The following FOXP1 variants were observed in gnomAD, a reference collection of about 807,000 sequenced individuals.
FOXP1 encodes the protein forkhead box protein P1.
A neutral mutation model predicts 98.2 loss-of-function variants in FOXP1; 15 were observed. The observed-to-expected ratio is 0.15, with a 90% CI of 0.10 to 0.24. The LOEUF is 0.24. FOXP1 is among the 10% of genes least tolerant of loss of function. The pLI is 1.00. For missense variants in FOXP1, 633 were observed against 848.5 expected (o/e 0.75, Z 3.15); for synonymous variants, 371 against 314.5 (o/e 1.18, Z -1.90).
intron 6 of FOXP1, chr3:71,130,350 G>T: frequency 1.4e-6 from 1 of 710,640 alleles, no homozygotes; most frequent in Non-Finnish European, 2.3e-6. Flanking sequence ...AGCCTCTGAT[G>T]GAGAGAGGAG....
chr3:71,561,340 C>A (rs534534170), intron 2 of FOXP1, among the ~76,000 whole-genome samples: 1 of 151,062 alleles, frequency 6.6e-6, no homozygotes, highest in South Asian at 2.1e-4. Context: ...ACTACCACAC[C>A]CAGCCTGAAC....
In FOXP1 at chr3:71,366,087, C is replaced by G. The variant is rs554367327; in HGVS notation, c.-167-6843G>C. 1.1e-4 allele frequency among the ~76,000 whole-genome samples: 17 copies of G among 152,288 alleles called. 1 individual carries two copies. In the South Asian group the frequency reaches 1.7e-3, roughly 15 times the overall value. ...GAAACAATGAGTCAAATGTATTATT[C>G]CCCCACTATTCTCTCAAGGATGTAC... On this transcript the variant is annotated intron_variant, in intron 3 of 20. Coordinates refer to ENST00000649528, the MANE Select transcript of FOXP1 (RefSeq NM_001349338.3).
At chr3:71,265,285 G>C (rs2069530233) in intron 5 of FOXP1, among the ~76,000 whole-genome samples, 1 of 152,184 alleles carries the variant, frequency 6.6e-6, no homozygotes, top group Non-Finnish European at 1.5e-5. Context: ...GACTTGAAGA[G>C]AAATCACCCA....
chr3:71,346,032 A>G (rs2077339285), intron 4 of FOXP1, among the ~76,000 whole-genome samples: 1 of 152,180 alleles, frequency 6.6e-6, no homozygotes, highest in African/African-American at 2.4e-5. Flanking sequence ...CTGAGAAGGC[A>G]AAGTTTGACT....
At chr3:71,434,548 A>C (rs1029646483) in intron 3 of FOXP1, among the ~76,000 whole-genome samples, 1 of 152,090 alleles carries the variant, frequency 6.6e-6, no homozygotes, top group Non-Finnish European at 1.5e-5. Context: ...ACACACAAAA[A>C]CACTATATAG....
intron 6 of FOXP1, among the ~76,000 whole-genome samples, chr3:71,115,141 G>C (rs1232827028): frequency 2.6e-5 from 4 of 151,928 alleles, no homozygotes; most frequent in Non-Finnish European, 5.9e-5. Flanking sequence ...GGCAGAGAGA[G>C]GGACTATAGA....
At chr3:71,262,085 G>A (rs1292100414) in intron 5 of FOXP1, among the ~76,000 whole-genome samples, 1 of 151,584 alleles carries the variant, frequency 6.6e-6, no homozygotes, top group Non-Finnish European at 1.5e-5. Context: ...GGCCAACATG[G>A]TGAAACCCTG....
chr3:71,351,954 C>T lies in FOXP1; in HGVS notation c.-73+7196G>A, dbSNP rs144690805. On this transcript the variant is annotated intron_variant, in intron 4 of 20. Coordinates refer to ENST00000649528, the MANE Select transcript of FOXP1 (RefSeq NM_001349338.3). ...GTTGTCCTTGTTCCTAATCAAATTG[C>T]GACACACTTTTATTTCCCATAGCTC... Among the ~76,000 whole-genome samples, 218 of 152,216 alleles carry T rather than the reference C, an allele frequency of 1.4e-3. 1 individual carries two copies. Among genetic ancestry groups the T allele is most frequent in the East Asian group, 9.5e-3 (49 of 5,176 alleles).
At chr3:71,451,517 GA>G (rs1253681447) in intron 3 of FOXP1, among the ~76,000 whole-genome samples, 1 of 151,112 alleles carries the variant, frequency 6.6e-6, no homozygotes, top group Non-Finnish European at 1.5e-5. Flanking sequence ...TTTAGATGAT[GA>G]AGCTTCATTT....
intron 3 of FOXP1, among the ~76,000 whole-genome samples, chr3:71,375,463 T>A (rs2079645701): frequency 6.6e-6 from 1 of 152,206 alleles, no homozygotes; most frequent in Non-Finnish European, 1.5e-5. Flanking sequence ...TTTTCATTTT[T>A]CATATTTTTG....
chr3:71,154,299 G>T (rs2060718189), intron 6 of FOXP1, among the ~76,000 whole-genome samples: 1 of 151,938 alleles, frequency 6.6e-6, no homozygotes, highest in Non-Finnish European at 1.5e-5. Flanking sequence ...ATTAACTGCG[G>T]TCACCATGCT....
chr3:71,160,730 G>A (rs1362481819), intron 6 of FOXP1, among the ~76,000 whole-genome samples: 2 of 152,192 alleles, frequency 1.3e-5, no homozygotes, highest in African/African-American at 4.8e-5. Context: ...CATGACCAAT[G>A]CACAGCATTT....
At chr3:71,275,407 T>C (rs1445265517) in intron 5 of FOXP1, among the ~76,000 whole-genome samples, 2 of 152,208 alleles carry the variant, frequency 1.3e-5, no homozygotes, top group Non-Finnish European at 2.9e-5. Context: ...TATAAGTCCC[T>C]AGAAGTAACA....
chr3:71,128,244 A>G (rs955290151), intron 6 of FOXP1, among the ~76,000 whole-genome samples: 7 of 151,978 alleles, frequency 4.6e-5, no homozygotes, highest in African/African-American at 1.7e-4. Context: ...ATGCGCACAT[A>G]TATCAGTGAA....
chr3:71,364,392 C>T (rs928771594), intron 3 of FOXP1, among the ~76,000 whole-genome samples: 2 of 152,168 alleles, frequency 1.3e-5, no homozygotes, highest in Non-Finnish European at 2.9e-5. Flanking sequence ...CTTACTTAAC[C>T]TTCACGTAGC....
chr3:71,465,360 G>C (rs1165930693), intron 3 of FOXP1, among the ~76,000 whole-genome samples: 1 of 151,446 alleles, frequency 6.6e-6, no homozygotes, highest in South Asian at 2.1e-4. Flanking sequence ...AGAGGGCCAG[G>C]CTAGAATTGT....
chr3:71,233,555 T>C (rs1386692219), intron 5 of FOXP1, among the ~76,000 whole-genome samples: 1 of 150,918 alleles, frequency 6.6e-6, no homozygotes, highest in Non-Finnish European at 1.5e-5. Context: ...GCCTCCTGAG[T>C]AGCTGGGATT....
chr3:71,061,382 G>C (rs1173111180), intron 7 of FOXP1, among the ~76,000 whole-genome samples: 3 of 152,088 alleles, frequency 2.0e-5, no homozygotes, highest in Non-Finnish European at 4.4e-5. Context: ...AAAGATACAT[G>C]AAATCAAGCT....
intron 2 of FOXP1, chr3:71,571,263 G>A (rs1316615008): frequency 6.6e-6 from 1 of 152,118 alleles, no homozygotes; most frequent in Non-Finnish European, 1.5e-5. Context: ...CCATTACTAA[G>A]TATGATCTTA....
Sources: gnomAD v4.1 joint callset for allele counts (sites outside exome capture counted in the v4.1 genomes callset) on GRCh38, gnomAD v4.1.1 for gene constraint, MANE v1.5 for transcripts, NCBI Gene and HGNC (gene_info 2026-07-23, HGNC 2026-07-21) for gene names.